The following UCHL5 variants were observed in gnomAD, a reference collection of about 807,000 sequenced individuals.
UCHL5 encodes the protein ubiquitin C-terminal hydrolase L5.
A neutral mutation model predicts 53.8 loss-of-function variants in UCHL5; 34 were observed. The ratio of observed to expected loss-of-function variants is 0.63; its 90% CI spans 0.48 to 0.84. The LOEUF (loss-of-function observed/expected upper bound fraction) is 0.84. Ranked by LOEUF, UCHL5 falls within the 40% of genes least tolerant of loss-of-function variation. The probability of loss-of-function intolerance (pLI) is 0.00; values close to 1 mark genes in which losing one functional copy is unlikely to be tolerated. For synonymous variants in UCHL5, 111 were observed against 126.3 expected (o/e 0.88, Z 0.81); for missense variants, 290 against 385.6 (o/e 0.75, Z 2.08).
At chr1:193,039,827 T>A (rs1664905752) in intron 3 of UCHL5, among the ~76,000 whole-genome samples, 2 of 151,956 alleles carry the variant, frequency 1.3e-5, no homozygotes, top group Admixed American at 1.3e-4. Flanking sequence ...GAATAGAGAA[T>A]CCAGATATAA....
intron 2 of UCHL5, among the ~76,000 whole-genome samples, chr1:193,050,830 T>C (rs1364714115): frequency 6.6e-6 from 1 of 152,120 alleles, no homozygotes; most frequent in Non-Finnish European, 1.5e-5. Flanking sequence ...CTATGTTGCC[T>C]GGGCTAGACT....
chr1:193,043,151 T>TAAAAAAA (rs200951342), intron 3 of UCHL5, among the ~76,000 whole-genome samples: 40 of 36,368 alleles, frequency 1.1e-3, no homozygotes, highest in African/African-American at 3.0e-3. Flanking sequence ...TCTTGAATAT[T>TAAAAAAA]AAAAAAAAAA....
intron 3 of UCHL5, among the ~76,000 whole-genome samples, chr1:193,043,622 C>G (rs914461059): frequency 6.8e-6 from 1 of 146,036 alleles, no homozygotes; most frequent in African/African-American, 2.4e-5. Context: ...CACTGATAGT[C>G]TAATAATGTG....
At chr1:193,045,068 C>T (rs1487664553) in intron 3 of UCHL5, among the ~76,000 whole-genome samples, 2 of 152,064 alleles carry the variant, frequency 1.3e-5, no homozygotes, top group Admixed American at 6.6e-5. Context: ...CTTTCTTATA[C>T]CTTAAAAGTA....
chr1:193,031,737 A>T (rs1476315384), intron 3 of UCHL5, among the ~76,000 whole-genome samples: 6 of 152,212 alleles, frequency 3.9e-5, no homozygotes, highest in African/African-American at 1.4e-4. Context: ...TGAACAGTGA[A>T]TAAGAAAGAT....
In UCHL5 at chr1:193,015,003, A is replaced by C. The variant is rs1045227050; in HGVS notation, c.*1348T>G. 3.9e-5 allele frequency: 6 copies of C among 152,116 alleles called. No homozygotes were observed. The highest frequency in any genetic ancestry group is 1.4e-4 in the African/African-American group (6 of 41,434). 9.4% of individuals were successfully genotyped at this position (152,116 alleles called of 1,614,324 possible). ...TATCATGGCTTTGAAAACACTCCATAATTATTACTGTATCAACAGCAAAAC... is the reference window on the plus strand; with the variant it reads ...TATCATGGCTTTGAAAACACTCCATCATTATTACTGTATCAACAGCAAAAC... On this transcript the variant is annotated 3_prime_UTR_variant, in exon 11 of 11. Transcript: ENST00000367454.
Position 193,020,924 on chromosome 1 carries a change from C to T in UCHL5, c.942+173G>A, listed in dbSNP as rs77721486. ...GGGGTAATTCTTTATTTTTGTTTTA[C>T]AGTCTCAATTGAACTAATTCTTACA... On this transcript the variant is annotated intron_variant, in intron 10 of 10. Coordinates refer to ENST00000367454, the MANE Select transcript of UCHL5 (RefSeq NM_001199261.3). 1.4e-4 allele frequency among the ~76,000 whole-genome samples: 21 copies of T among 152,044 alleles called. No homozygotes were observed. In the East Asian group the frequency reaches 3.5e-3, roughly 25 times the overall value.
intron 3 of UCHL5, among the ~76,000 whole-genome samples, chr1:193,030,593 C>A (rs542117464): frequency 1.3e-5 from 2 of 152,176 alleles, no homozygotes; most frequent in Non-Finnish European, 2.9e-5. Flanking sequence ...AGTGTGAACA[C>A]CAGCAAGGTT....
chr1:193,046,176 C>T (rs1392445062), intron 3 of UCHL5, among the ~76,000 whole-genome samples: 4 of 151,956 alleles, frequency 2.6e-5, no homozygotes, highest in African/African-American at 4.8e-5. Flanking sequence ...AGACTACAGG[C>T]GTGTGCTACC....
intron 9 of UCHL5, among the ~76,000 whole-genome samples, chr1:193,022,687 T>C (rs919587806): frequency 6.9e-6 from 1 of 144,972 alleles, no homozygotes; most frequent in African/African-American, 2.5e-5. Context: ...AAAAAAGGAA[T>C]AATAACTACA....
At chr1:193,026,585 G>T (rs984442281) in intron 7 of UCHL5, among the ~76,000 whole-genome samples, 1 of 152,024 alleles carries the variant, frequency 6.6e-6, no homozygotes, top group East Asian at 1.9e-4. Context: ...ACTAAAAATG[G>T]TGGTAACACC....
At chr1:193,054,067 A>G (rs969940648) in intron 1 of UCHL5, among the ~76,000 whole-genome samples, 6 of 149,986 alleles carry the variant, frequency 4.0e-5, no homozygotes, top group African/African-American at 1.2e-4. Context: ...TAGGTCTTTT[A>G]AAAAATGATC....
chr1:193,060,064 C>A, upstream of UCHL5: 1 of 1,317,470 alleles, frequency 7.6e-7, no homozygotes, highest in Admixed American at 2.0e-5. Flanking sequence ...CCCCACAGGC[C>A]GACGTCGAGA....
rs535625405 is a variant in UCHL5, at chr1:193,015,264, TA to T, written c.*1086del. 20 of 152,178 alleles carry T rather than the reference TA, an allele frequency of 1.3e-4. 1 individual carries two copies. The East Asian group carries it at 3.7e-3, about 28-fold the overall frequency. The allele number at this position is 152,178 out of a possible 1,614,324, so 9.4% of individuals were successfully genotyped here. On this transcript the variant is annotated 3_prime_UTR_variant, in exon 11 of 11. Transcript: ENST00000367454. ...AAAATAAATTATGCTAAATTGATTTTACAATAAATAATAAAATGTTAAAGTC... is the reference window on the plus strand; with the variant it reads ...AAAATAAATTATGCTAAATTGATTTTCAATAAATAATAAAATGTTAAAGTC...
At chr1:193,045,670 A>T (rs774968259) in intron 3 of UCHL5, among the ~76,000 whole-genome samples, 1 of 152,222 alleles carries the variant, frequency 6.6e-6, no homozygotes, top group Non-Finnish European at 1.5e-5. Flanking sequence ...TCTTTATAGC[A>T]ATGCAAGAAT....
chr1:193,018,681 T>C lies in UCHL5; in HGVS notation c.943-2286A>G, dbSNP rs1655742846. 3.1e-6 allele frequency: 4 copies of C among 1,300,222 alleles called. No individual in the cohort carries two copies. In the Admixed American group the frequency reaches 1.5e-4, roughly 48 times the overall value. The allele number at this position is 1,300,222 out of a possible 1,614,324, so 80.5% of individuals were successfully genotyped here. A position where few individuals can be genotyped will look rare whatever the true frequency, so the allele number is the denominator to read the frequency against. On this transcript the variant is annotated intron_variant, in intron 10 of 10. Coordinates refer to ENST00000367454, the MANE Select transcript of UCHL5 (RefSeq NM_001199261.3). The stretch of plus-strand genomic sequence containing the variant: ...TCAAATACTTTTATGTCATCACAGA[T>C]TATAGGCAACTGCCTCAGCTATTCA...
chr1:193,019,793 C>T (rs902207854), intron 10 of UCHL5: 9 of 880,036 alleles, frequency 1.0e-5, no homozygotes, highest in African/African-American at 1.8e-5. Flanking sequence ...TTTGCACACA[C>T]AAAAAATTCT....
intron 7 of UCHL5, among the ~76,000 whole-genome samples, chr1:193,027,722 T>C (rs560654316): frequency 6.6e-6 from 1 of 152,096 alleles, no homozygotes; most frequent in South Asian, 2.1e-4. Flanking sequence ...TTATCTAACT[T>C]AATGGAAATC....
At chr1:193,057,161 C>T (rs1384243884) in intron 1 of UCHL5, 1 of 152,268 alleles carries the variant, frequency 6.6e-6, no homozygotes, top group Non-Finnish European at 1.5e-5. Flanking sequence ...TCTTGTCCAT[C>T]AAGCCTGCTC....
Sources: gnomAD v4.1 joint callset for allele counts (sites outside exome capture counted in the v4.1 genomes callset) on GRCh38, gnomAD v4.1.1 for gene constraint, MANE v1.5 for transcripts, NCBI Gene and HGNC (gene_info 2026-07-23, HGNC 2026-07-21) for gene names.